Variants in FAM135B observed in about 807,000 individuals in gnomAD.
FAM135B encodes family with sequence similarity 135 member B, also known as protein FAM135B.
FAM135B carries 43 observed loss-of-function variants against 127.7 expected under a neutral mutation model. The observed-to-expected ratio is 0.34, with a 90% CI of 0.26 to 0.43. The LOEUF (loss-of-function observed/expected upper bound fraction) is 0.43. FAM135B is among the 20% of genes least tolerant of loss of function. The probability of loss-of-function intolerance (pLI) is 1.00; values close to 1 mark genes in which losing one functional copy is unlikely to be tolerated. For missense variants in FAM135B, 1,558 were observed against 1,725.6 expected (o/e 0.90, Z 1.72); for synonymous variants, 670 against 665.1 (o/e 1.01, Z -0.11).
chr8:138,376,058 A>G (rs918237039), intron 1 of FAM135B, among the ~76,000 whole-genome samples: 2 of 152,060 alleles, frequency 1.3e-5, no homozygotes, highest in Non-Finnish European at 2.9e-5. Context: ...AGGTGGCATG[A>G]TCTCGGCTCA....
At chr8:138,473,999 AG>A (rs1481844708) in intron 1 of FAM135B, among the ~76,000 whole-genome samples, 1 of 152,176 alleles carries the variant, frequency 6.6e-6, no homozygotes, top group Non-Finnish European at 1.5e-5. Context: ...CACCACATAA[AG>A]ATCAGCATTC....
chr8:138,149,612 ACACT>A, intron 13 of FAM135B, among the ~76,000 whole-genome samples: 2 of 152,154 alleles, frequency 1.3e-5, no homozygotes, highest in Non-Finnish European at 2.9e-5. Flanking sequence ...CTCAAATTTG[ACACT>A]CACTATTTCT....
intron 7 of FAM135B, among the ~76,000 whole-genome samples, chr8:138,235,939 G>A (rs932663265): frequency 1.3e-5 from 2 of 152,124 alleles, no homozygotes; most frequent in Non-Finnish European, 2.9e-5. Flanking sequence ...CACTTTGTTG[G>A]CCAGCACACT....
In FAM135B at chr8:138,442,236, CCATATATATATATATATATA is replaced by C. The variant is rs1297126354; in HGVS notation, c.-20+54415_-20+54434del. Among the ~76,000 whole-genome samples, 16 of 13,132 alleles carry C rather than the reference CCATATATATATATATATATA, an allele frequency of 1.2e-3. 1 individual carries two copies. The highest frequency in any genetic ancestry group is 1.8e-3 in the Non-Finnish European group (15 of 8,110). 8.6% of individuals were successfully genotyped at this position (13,132 alleles called of 152,430 possible). A position where few individuals can be genotyped will look rare whatever the true frequency, so the allele number is the denominator to read the frequency against. ...AAATTTAACGTGAAGAATATGGACA[CCATATATATATATATATATA>C]TATATATATATATATATATATGAAA... is the stretch of plus-strand genomic sequence containing the variant. On this transcript the variant is annotated intron_variant, in intron 1 of 19. Coordinates refer to ENST00000395297, the MANE Select transcript of FAM135B (RefSeq NM_015912.4).
intron 2 of FAM135B, among the ~76,000 whole-genome samples, chr8:138,350,164 T>G (rs1274358450): frequency 6.6e-6 from 1 of 152,168 alleles, no homozygotes; most frequent in Non-Finnish European, 1.5e-5. Context: ...ATTTCCTTTG[T>G]GTACTCATCT....
intron 1 of FAM135B, among the ~76,000 whole-genome samples, chr8:138,442,021 G>C (rs1427343143): frequency 6.6e-6 from 1 of 151,636 alleles, no homozygotes; most frequent in Non-Finnish European, 1.5e-5. Context: ...TGAATATTTT[G>C]TATGTCAAGT....
intron 1 of FAM135B, among the ~76,000 whole-genome samples, chr8:138,422,643 T>C (rs1834579809): frequency 6.6e-6 from 1 of 152,084 alleles, no homozygotes; most frequent in Non-Finnish European, 1.5e-5. Flanking sequence ...ACACTGCTGA[T>C]GGTAATATAA....
At chr8:138,293,588 C>A (rs905578190) in intron 3 of FAM135B, among the ~76,000 whole-genome samples, 1 of 152,024 alleles carries the variant, frequency 6.6e-6, no homozygotes, top group South Asian at 2.1e-4. Context: ...GGGCAAATGA[C>A]ACGAATAGAC....
At chr8:138,307,937 A>T (rs1413243501) in intron 3 of FAM135B, among the ~76,000 whole-genome samples, 1 of 152,140 alleles carries the variant, frequency 6.6e-6, no homozygotes, top group Non-Finnish European at 1.5e-5. Context: ...CATACAGATA[A>T]TGGAAAATAT....
At chr8:138,335,224 G>A (rs935820944) in intron 2 of FAM135B, among the ~76,000 whole-genome samples, 6 of 152,094 alleles carry the variant, frequency 3.9e-5, no homozygotes, top group Admixed American at 1.3e-4. Flanking sequence ...CATGCCCATC[G>A]GAGAACTCGA....
At chr8:138,389,256 A>G (rs952707153) in intron 1 of FAM135B, among the ~76,000 whole-genome samples, 1 of 152,240 alleles carries the variant, frequency 6.6e-6, no homozygotes, top group Admixed American at 6.5e-5. Flanking sequence ...TGGCACCTCA[A>G]TGAATTAAAC....
At chr8:138,362,707 A>C (rs1730994644) in intron 2 of FAM135B, among the ~76,000 whole-genome samples, 1 of 152,210 alleles carries the variant, frequency 6.6e-6, no homozygotes, top group South Asian at 2.1e-4. Flanking sequence ...ACGATTACTT[A>C]TTATTGTTAT....
intron 1 of FAM135B, among the ~76,000 whole-genome samples, chr8:138,404,715 A>G (rs553967693): frequency 2.0e-5 from 3 of 152,286 alleles, no homozygotes; most frequent in Admixed American, 1.3e-4. Context: ...TTGCTCGCTC[A>G]TAAGAAGCAA....
chr8:138,484,944 A>C (rs79880911), intron 1 of FAM135B, among the ~76,000 whole-genome samples: 8,162 of 152,220 alleles, frequency 0.054, 574 homozygotes, highest in African/African-American at 0.15. Flanking sequence ...GCAATTTATT[A>C]TTCAGTGCAT....
intron 3 of FAM135B, among the ~76,000 whole-genome samples, chr8:138,308,142 C>T (rs1022203): frequency 0.94 from 143,627 of 152,202 alleles, 67,935 homozygotes; most frequent in Non-Finnish European, 0.97. Flanking sequence ...GCCTGGAATC[C>T]TCTTCATTTT....
intron 3 of FAM135B, among the ~76,000 whole-genome samples, chr8:138,305,132 G>A (rs1826146261): frequency 6.6e-6 from 1 of 152,162 alleles, no homozygotes; most frequent in African/African-American, 2.4e-5. Context: ...ATAAATGTCG[G>A]TCCCCCGCCC....
At chr8:138,287,000 T>G (rs775915739) in intron 3 of FAM135B, among the ~76,000 whole-genome samples, 1 of 152,214 alleles carries the variant, frequency 6.6e-6, no homozygotes, top group African/African-American at 2.4e-5. Flanking sequence ...AATATTTACA[T>G]GAGTAGGAAA....
intron 1 of FAM135B, among the ~76,000 whole-genome samples, chr8:138,390,532 A>G (rs1291064750): frequency 1.3e-5 from 2 of 152,188 alleles, no homozygotes; most frequent in African/African-American, 4.8e-5. Flanking sequence ...CAGCACCATG[A>G]AAAGGGACTA....
intron 6 of FAM135B, among the ~76,000 whole-genome samples, chr8:138,249,054 C>T (rs1432182430): frequency 6.6e-6 from 1 of 152,046 alleles, no homozygotes; most frequent in Non-Finnish European, 1.5e-5. Context: ...TTTCCTACCC[C>T]AGGCTGTCTG....
Sources: allele counts gnomAD v4.1 joint callset (sites outside exome capture counted in the v4.1 genomes callset), GRCh38; gene constraint gnomAD v4.1.1; transcripts MANE v1.5; gene names NCBI Gene and HGNC (gene_info 2026-07-23, HGNC 2026-07-21).